Variants in TBC1D1 observed in about 807,000 individuals in gnomAD.
TBC1D1 encodes TBC1 domain family member 1, also known as TBC1 (tre-2/USP6, BUB2, cdc16) domain family, member 1.
TBC1D1 carries 89 observed loss-of-function variants against 125.6 expected under a neutral mutation model. The ratio of observed to expected loss-of-function variants is 0.71; its 90% CI spans 0.60 to 0.85. The LOEUF is 0.85. Among genes scored for constraint, TBC1D1 ranks in the 40% least tolerant of loss-of-function variants. TBC1D1 has a pLI of 0.00. For missense variants in TBC1D1, 1,377 were observed against 1,469.2 expected (o/e 0.94, Z 1.03); for synonymous variants, 565 against 564.1 (o/e 1.00, Z -0.02).
intron 2 of TBC1D1, among the ~76,000 whole-genome samples, chr4:37,951,556 C>A (rs1172320314): frequency 1.3e-5 from 2 of 152,170 alleles, no homozygotes; most frequent in Non-Finnish European, 1.5e-5. Context: ...GAACTACAGG[C>A]TCTTTTTTAT....
chr4:38,101,262 C>T (rs561439549), intron 14 of TBC1D1, among the ~76,000 whole-genome samples: 5 of 152,304 alleles, frequency 3.3e-5, no homozygotes, highest in Admixed American at 2.6e-4. Flanking sequence ...ACAAAGCGGC[C>T]ACTTTTTTTC....
intron 12 of TBC1D1, among the ~76,000 whole-genome samples, chr4:38,059,569 C>CTCT (rs34445136): frequency 0.43 from 64,933 of 151,844 alleles, 15,115 homozygotes; most frequent in East Asian, 0.63. Flanking sequence ...AGTGCATTCT[C>CTCT]TCTTGGTGCT....
At chr4:37,987,234 A>T (rs576957234) in intron 2 of TBC1D1, among the ~76,000 whole-genome samples, 4 of 152,334 alleles carry the variant, frequency 2.6e-5, no homozygotes, top group Admixed American at 2.0e-4. Flanking sequence ...TAGAAGTCTC[A>T]TAATTAATTT....
At chr4:38,082,226 C>T (rs551971029) in intron 12 of TBC1D1, among the ~76,000 whole-genome samples, 3 of 152,210 alleles carry the variant, frequency 2.0e-5, no homozygotes, top group African/African-American at 2.4e-5. Context: ...GGCGGGGTGG[C>T]GAAGGTCGCC....
At chr4:37,985,841 A>G (rs2152378903) in intron 2 of TBC1D1, among the ~76,000 whole-genome samples, 1 of 152,314 alleles carries the variant, frequency 6.6e-6, no homozygotes, top group Middle Eastern at 3.4e-3. Context: ...TGCACGAAGA[A>G]TCACTCAGCT....
chr4:38,121,367 G>T (rs1309268784), intron 17 of TBC1D1, among the ~76,000 whole-genome samples: 1 of 152,196 alleles, frequency 6.6e-6, no homozygotes, highest in Non-Finnish European at 1.5e-5. Flanking sequence ...ACACAGTAAC[G>T]CAATAAGAGG....
chr4:37,993,590 A>AT (rs1262205028), intron 2 of TBC1D1, among the ~76,000 whole-genome samples: 3 of 147,884 alleles, frequency 2.0e-5, no homozygotes, highest in African/African-American at 7.3e-5. Flanking sequence ...TTATTTATTT[A>AT]TTTATTTTTG....
chr4:38,103,765 GA>G (rs1760775314), intron 15 of TBC1D1, among the ~76,000 whole-genome samples: 2 of 152,108 alleles, frequency 1.3e-5, no homozygotes, highest in Non-Finnish European at 2.9e-5. Context: ...AAAAATCAAT[GA>G]AAACTAAACA....
intron 8 of TBC1D1, among the ~76,000 whole-genome samples, chr4:38,038,055 A>G (rs1353643154): frequency 6.6e-6 from 1 of 152,200 alleles, no homozygotes; most frequent in Admixed American, 6.5e-5. Flanking sequence ...AAATGACTCC[A>G]TTCATTCTAC....
intron 19 of TBC1D1, among the ~76,000 whole-genome samples, chr4:38,136,611 G>T (rs138432471): frequency 6.6e-6 from 1 of 152,182 alleles, no homozygotes; most frequent in Admixed American, 6.5e-5. Flanking sequence ...TTGTTACCAC[G>T]TGGGCCTTCA....
chr4:37,998,170 C>G (rs529144106), intron 2 of TBC1D1, among the ~76,000 whole-genome samples: 2 of 152,192 alleles, frequency 1.3e-5, no homozygotes, highest in African/African-American at 4.8e-5. Flanking sequence ...CGTCACTTCT[C>G]TCTCCTCAGT....
At chr4:37,993,969 G>T (rs74503750) in intron 2 of TBC1D1, among the ~76,000 whole-genome samples, 515 of 152,348 alleles carry the variant, frequency 3.4e-3, no homozygotes, top group African/African-American at 0.012. Flanking sequence ...TTTGGTGTTG[G>T]TTCTCCAGAA....
At chr4:37,960,446 G>C (rs1729753928) in intron 2 of TBC1D1, 2 of 1,613,166 alleles carry the variant, frequency 1.2e-6, no homozygotes, top group Non-Finnish European at 1.7e-6. Context: ...TGGCTACTCT[G>C]ATCTACGTTG....
chr4:38,087,213 T>G (rs1757633291), intron 12 of TBC1D1, among the ~76,000 whole-genome samples: 1 of 152,222 alleles, frequency 6.6e-6, no homozygotes, highest in Non-Finnish European at 1.5e-5. Context: ...ATCTCACAGT[T>G]GTCGTCCCCA....
chr4:38,005,245 G>A (rs929575826), intron 2 of TBC1D1, among the ~76,000 whole-genome samples: 1 of 152,168 alleles, frequency 6.6e-6, no homozygotes, highest in East Asian at 1.9e-4. Flanking sequence ...AAGAGGATAG[G>A]GAAGGGAAGA....
chr4:38,099,262 G>A (rs1371828341), intron 14 of TBC1D1, among the ~76,000 whole-genome samples: 24 of 152,138 alleles, frequency 1.6e-4, no homozygotes, highest in Non-Finnish European at 3.2e-4. Context: ...CATATTCCTT[G>A]AAAATGACAC....
Position 38,014,923 on chromosome 4 carries a change from A to G in TBC1D1, c.832A>G (p.Asn278Asp), listed in dbSNP as rs575401896. 434 of 1,582,890 alleles carry G rather than the reference A, an allele frequency of 2.7e-4. 1 individual carries two copies. In the South Asian group the frequency reaches 4.6e-3, roughly 17 times the overall value. Residue 278 changes from asparagine (N) to aspartate (D), a missense_variant, in exon 3 of 20, where the codon AAT becomes GAT. Asn to Asp is a conservative substitution (Grantham distance 23). Around this residue, in one of 3 missense-constraint regions of TBC1D1, gnomAD observed 822 missense variants for 824.6 expected, o/e 1.00. Coordinates refer to ENST00000261439, the MANE Select transcript of TBC1D1 (RefSeq NM_015173.4). The surrounding 1 kb of genome is among the most constrained non-coding windows in gnomAD (Gnocchi z 5.1). ...TGAGAACCACCTCATTAGCGGACAC[A>G]ATATTGTGCAGCCCACAGATATCGA...
rs1304929102 is a variant in TBC1D1 at position 38,045,853 on chromosome 4, A to G, written c.1579A>G (p.Ser527Gly). ...CAGAGGCCTGCAGGAACACTCCATC[A>G]GTGTGGATCTGGATAGCTCCCTGTC... Residue 527 changes from serine (S) to glycine (G), a missense_variant, in exon 10 of 20, where the codon AGT (serine) becomes GGT (glycine). Around this residue, in one of 3 missense-constraint regions of TBC1D1, gnomAD observed 822 missense variants for 824.6 expected, o/e 1.00. Coordinates refer to ENST00000261439, the MANE Select transcript of TBC1D1 (RefSeq NM_015173.4). 1 of 1,614,098 alleles carries G rather than the reference A, an allele frequency of 6.2e-7. No homozygotes were observed. The highest frequency in any genetic ancestry group is 8.5e-7 in the Non-Finnish European group (1 of 1,180,042).
At chr4:37,985,798 C>T (rs1026337123) in intron 2 of TBC1D1, among the ~76,000 whole-genome samples, 1 of 152,034 alleles carries the variant, frequency 6.6e-6, no homozygotes, top group Non-Finnish European at 1.5e-5. Flanking sequence ...GAGAGGGAGA[C>T]CTGTGGAGAT....
Sources: allele counts gnomAD v4.1 joint callset (sites outside exome capture counted in the v4.1 genomes callset), GRCh38; gene constraint gnomAD v4.1.1; regional missense constraint gnomAD v4.1.1; non-coding constraint Gnocchi (gnomAD v3.1); transcripts MANE v1.5; gene names NCBI Gene and HGNC (gene_info 2026-07-23, HGNC 2026-07-21).